TUSC3: variants seen among roughly 807,000 people sequenced by gnomAD.
TUSC3 encodes tumor suppressor candidate 3.
Under a neutral mutation model 44.8 loss-of-function variants are expected in TUSC3, and 45 were observed. The observed-to-expected ratio is 1.00, with a 90% CI of 0.79 to 1.29. TUSC3 has a LOEUF of 1.29. TUSC3 is among the 50% of genes most tolerant of loss of function. The pLI is 0.00. For missense variants in TUSC3, 519 were observed against 437.9 expected (o/e 1.19, Z -1.65); for synonymous variants, 212 against 152.9 (o/e 1.39, Z -2.85).
chr8:15,590,599 A>G (rs1803788311), intron 1 of TUSC3, among the ~76,000 whole-genome samples: 1 of 152,088 alleles, frequency 6.6e-6, no homozygotes, highest in South Asian at 2.1e-4. Context: ...ATGTTGCTCT[A>G]TGTGGGGGAT....
rs1405124564 is a variant in TUSC3, at chr8:15,584,066, G to GT, written c.139-39014_139-39013insT. ...CTTAAAGGCAGTGTAATCAAACACA[G>GT]CAGCTTAACTGTTTTAATATTTCTG... On this transcript the variant is annotated intron_variant, in intron 1 of 10. Transcript: ENST00000503731. Among the ~76,000 whole-genome samples, 516 of 152,308 alleles carry GT rather than the reference G, an allele frequency of 3.4e-3. 4 individuals carry two copies. Among genetic ancestry groups the GT allele is most frequent in the African/African-American group, 0.012 (495 of 41,570 alleles).
chr8:15,571,106 A>C (rs1802859824), intron 1 of TUSC3, among the ~76,000 whole-genome samples: 1 of 151,470 alleles, frequency 6.6e-6, no homozygotes, highest in African/African-American at 2.4e-5. Flanking sequence ...GGTGCCTGCC[A>C]CCACACCTGA....
At chr8:15,481,812 A>T (rs62501894) in intron 1 of TUSC3, among the ~76,000 whole-genome samples, 5,213 of 152,290 alleles carry the variant, frequency 0.034, 104 homozygotes, top group Middle Eastern at 0.054. Flanking sequence ...TCTGGCCTTG[A>T]TGTTAATGGA....
chr8:15,620,038 G>C (rs139476303), intron 1 of TUSC3, among the ~76,000 whole-genome samples: 2 of 152,204 alleles, frequency 1.3e-5, no homozygotes, highest in East Asian at 3.9e-4. Flanking sequence ...CTCCAGCCTG[G>C]GTAACAGAGG....
intron 1 of TUSC3, among the ~76,000 whole-genome samples, chr8:15,454,531 C>A (rs1298552230): frequency 6.6e-6 from 1 of 152,154 alleles, no homozygotes; most frequent in African/African-American, 2.4e-5. Context: ...TATTAATGTT[C>A]CAACTAGTTT....
intron 2 of TUSC3, among the ~76,000 whole-genome samples, chr8:15,649,825 T>C (rs573739687): frequency 1.3e-5 from 2 of 152,324 alleles, no homozygotes; most frequent in African/African-American, 4.8e-5. Flanking sequence ...TGTTAGGTTG[T>C]ACCTTTTTAT....
chr8:15,638,597 C>T (rs1179769785), intron 2 of TUSC3, among the ~76,000 whole-genome samples: 1 of 136,976 alleles, frequency 7.3e-6, no homozygotes, highest in African/African-American at 2.7e-5. Context: ...GATCTCTGCT[C>T]ACTGCAACCT....
intron 2 of TUSC3, among the ~76,000 whole-genome samples, chr8:15,514,567 T>G (rs1443431146): frequency 6.6e-6 from 1 of 152,226 alleles, no homozygotes; most frequent in Non-Finnish European, 1.5e-5. Context: ...AGCCCAGAGT[T>G]TCATGCCTCG....
intron 1 of TUSC3, among the ~76,000 whole-genome samples, chr8:15,455,084 C>G (rs1800238129): frequency 6.6e-6 from 1 of 152,104 alleles, no homozygotes; most frequent in Admixed American, 6.6e-5. Context: ...CAGGAGCCAG[C>G]CTCAAAGGGC....
At chr8:15,503,366 C>T (rs1800995617) in intron 2 of TUSC3, among the ~76,000 whole-genome samples, 1 of 152,056 alleles carries the variant, frequency 6.6e-6, no homozygotes, top group East Asian at 1.9e-4. Context: ...TTGAGCCACC[C>T]CGTCTGTGGC....
intron 9 of TUSC3, among the ~76,000 whole-genome samples, chr8:15,749,438 C>T (rs971879632): frequency 6.6e-6 from 1 of 152,052 alleles, no homozygotes; most frequent in Non-Finnish European, 1.5e-5. Context: ...CAGCCCCACC[C>T]CCTCTATTTT....
At chr8:15,797,347 C>CT in the TUSC3 span, among the ~76,000 whole-genome samples, 3 of 152,032 alleles carry the variant, frequency 2.0e-5, no homozygotes, top group African/African-American at 7.3e-5. Context: ...GCATCTTTTT[C>CT]TTTTTTTCTT....
At chr8:15,445,976 A>G (rs994505538) in intron 1 of TUSC3, among the ~76,000 whole-genome samples, 23 of 149,722 alleles carry the variant, frequency 1.5e-4, no homozygotes, top group Admixed American at 4.6e-4. Flanking sequence ...CGGATGGGGC[A>G]GCTGCCCGGC....
the TUSC3 span, among the ~76,000 whole-genome samples, chr8:15,826,434 A>T: frequency 1.1e-4 from 16 of 152,184 alleles, no homozygotes; most frequent in Admixed American, 1.0e-3. Flanking sequence ...TAGAAAAATA[A>T]GATTCTTCTG....
chr8:15,832,518 C>T, the TUSC3 span, among the ~76,000 whole-genome samples: 1 of 152,126 alleles, frequency 6.6e-6, no homozygotes, highest in South Asian at 2.1e-4. Flanking sequence ...GACCCATTGG[C>T]ATGCTGTCTT....
At chr8:15,731,076 C>G (rs989428243) in intron 7 of TUSC3, among the ~76,000 whole-genome samples, 2 of 151,896 alleles carry the variant, frequency 1.3e-5, no homozygotes, top group Non-Finnish European at 2.9e-5. Context: ...ATATAAATAG[C>G]AGCTTAAAAA....
chr8:15,587,163 A>G (rs573904199), intron 1 of TUSC3, among the ~76,000 whole-genome samples: 1 of 152,296 alleles, frequency 6.6e-6, no homozygotes, highest in South Asian at 2.1e-4. Flanking sequence ...ATTGGATTAT[A>G]CTACTTATAA....
intron 10 of TUSC3, among the ~76,000 whole-genome samples, chr8:15,760,205 A>T (rs901079077): frequency 1.3e-5 from 2 of 152,190 alleles, no homozygotes; most frequent in African/African-American, 4.8e-5. Flanking sequence ...TCTAGAAGAT[A>T]CAGGTAAGCA....
intron 1 of TUSC3, among the ~76,000 whole-genome samples, chr8:15,477,513 G>A (rs944335242): frequency 6.6e-6 from 1 of 152,110 alleles, no homozygotes; most frequent in African/African-American, 2.4e-5. Context: ...ACGAGGTCAG[G>A]AGATTGAGAC....
Sources: allele counts gnomAD v4.1 joint callset (sites outside exome capture counted in the v4.1 genomes callset), GRCh38; gene constraint gnomAD v4.1.1; transcripts MANE v1.5; gene names NCBI Gene and HGNC (gene_info 2026-07-23, HGNC 2026-07-21).